The following FANCM variants were observed in gnomAD, a reference collection of about 807,000 sequenced individuals.
The protein encoded by FANCM is Fanconi anemia group M protein.
FANCM carries 140 observed loss-of-function variants against 199.5 expected under a neutral mutation model. That is an observed-to-expected ratio of 0.70 (90% CI 0.61 to 0.81). The LOEUF (loss-of-function observed/expected upper bound fraction) is 0.81, where lower values mean the gene tolerates loss of function less well. Ranked by LOEUF, FANCM falls within the 30% of genes least tolerant of loss-of-function variation. The probability of loss-of-function intolerance (pLI) is 0.00; values close to 1 mark genes in which losing one functional copy is unlikely to be tolerated. For missense variants in FANCM, 2,410 were observed against 2,421.4 expected, an observed-to-expected ratio of 1.00 and a Z score of 0.10; for synonymous variants, 840 against 836.8, an observed-to-expected ratio of 1.00 and a Z score of -0.07.
At chr14:45,142,363 A>G (rs1304019998) in intron 3 of FANCM, among the ~76,000 whole-genome samples, 2 of 150,624 alleles carry the variant, frequency 1.3e-5, no homozygotes, top group East Asian at 2.0e-4. Context: ...CTGGAGTGCA[A>G]TGGCATGATC....
intron 20 of FANCM, chr14:45,195,552 G>A (rs1890008508): frequency 4.4e-6 from 2 of 456,560 alleles, no homozygotes; most frequent in Non-Finnish European, 8.8e-6. Context: ...ATGGTCCACA[G>A]GATTTGGCAG....
At chr14:45,156,822 G>C (rs1887222472) in intron 8 of FANCM, among the ~76,000 whole-genome samples, 1 of 150,808 alleles carries the variant, frequency 6.6e-6, no homozygotes, top group Non-Finnish European at 1.5e-5. Flanking sequence ...GGAGGCTGAG[G>C]CAGGAGAATC....
intron 19 of FANCM, among the ~76,000 whole-genome samples, chr14:45,188,492 G>C (rs1451865962): frequency 6.6e-6 from 1 of 152,004 alleles, no homozygotes; most frequent in African/African-American, 2.4e-5. Context: ...TGTTCAGCTT[G>C]GTAATGTGTA....
rs200603043 is a variant in FANCM, at chr14:45,160,002, GTTTTTTTTTTT to G, written c.1581+729_1581+739del. Among the ~76,000 whole-genome samples, 3 of 122,014 alleles carry G rather than the reference GTTTTTTTTTTT, an allele frequency of 2.5e-5. No homozygotes were observed. The South Asian group carries it at 7.9e-4, about 32-fold the overall frequency. The allele number at this position is 122,014 out of a possible 152,430, so 80.0% of individuals were successfully genotyped here. A position where few individuals can be genotyped will look rare whatever the true frequency, so the allele number is the denominator to read the frequency against. ...CGTTAGTAGATGAGGTTTTTTTTTT[GTTTTTTTTTTT>G]TTTTTTAGATGGAATCTTACTCTGT... On this transcript the variant is annotated intron_variant, in intron 9 of 22. Transcript: ENST00000267430.
At chr14:45,199,237 T>A (rs1890233532) in intron 22 of FANCM, among the ~76,000 whole-genome samples, 1 of 152,218 alleles carries the variant, frequency 6.6e-6, no homozygotes, top group Non-Finnish European at 1.5e-5. Flanking sequence ...GGCTGTTCAG[T>A]TCTGTAACAA....
In FANCM at chr14:45,157,453, C is replaced by G. The variant is rs142354889; in HGVS notation, c.1397-1643C>G. ...AAAAAAGCTTGGGGAGGAAACTGGA[C>G]AAGTAAAATGTTAGAGAAGCTGAAG... is the stretch of plus-strand genomic sequence containing the variant. On this transcript the variant is annotated intron_variant, in intron 8 of 22. Coordinates refer to ENST00000267430, the MANE Select transcript of FANCM (RefSeq NM_020937.4). Among the ~76,000 whole-genome samples the G allele has an allele frequency of 8.0e-4, 121 of 152,012 alleles. No individual in the cohort carries two copies. The Middle Eastern group carries it at 0.01, about 13-fold the overall frequency.
rs1890203292 is a variant in FANCM, at chr14:45,198,678, C to T, written c.5751C>T (p.Ser1917=). Residue 1917 remains serine (S), a synonymous_variant, in exon 22 of 23, where the codon AGC becomes AGT. Transcript: ENST00000267430. ...DTSRMFRRTK[S]YDSLLTTLIG... Reference sequence around the variant, plus strand: ...CAAGGATGTTTAGGAGAACAAAGAGCTATGACAGCCTGCTGACTACCTTAA... The same window carrying T: ...CAAGGATGTTTAGGAGAACAAAGAGTTATGACAGCCTGCTGACTACCTTAA... 1.9e-6 allele frequency: 3 copies of T among 1,613,330 alleles called. No individual in the cohort carries two copies. Among genetic ancestry groups the T allele is most frequent in the Non-Finnish European group, 8.5e-7 (1 of 1,179,422 alleles).
intron 14 of FANCM, among the ~76,000 whole-genome samples, chr14:45,179,503 G>T (rs1386440217): frequency 4.0e-5 from 6 of 149,390 alleles, no homozygotes; most frequent in Admixed American, 6.7e-5. Context: ...GCAACATTTT[G>T]TCTGGAAGTC....
chr14:45,174,216 G>C (rs894986643), intron 13 of FANCM, among the ~76,000 whole-genome samples: 1 of 152,026 alleles, frequency 6.6e-6, no homozygotes, highest in Non-Finnish European at 1.5e-5. Context: ...AGGAAACCCT[G>C]TCTGTACTAA....
intron 12 of FANCM, 37 bp from the exon 13 acceptor site, chr14:45,173,018 T>C (rs1408129365): frequency 6.8e-7 from 1 of 1,460,444 alleles, no homozygotes; most frequent in Non-Finnish European, 9.6e-7. Context: ...AATCTCAGTA[T>C]GTTTTCATCA....
Position 45,175,442 on chromosome 14 carries a change from T to A in FANCM, c.2688T>A (p.Asn896Lys), listed in dbSNP as rs778748781. The A allele has an allele frequency of 6.3e-7, 1 of 1,594,232 alleles. No homozygotes were observed. Among genetic ancestry groups the A allele is most frequent in the Non-Finnish European group, 8.5e-7 (1 of 1,172,016 alleles). Residue 896 changes from asparagine to lysine, a missense_variant, in exon 14 of 23, where the codon AAT (asparagine) becomes AAA (lysine). By Grantham distance (94) the Asn-to-Lys change is moderately conservative (BLOSUM62 0). Coordinates refer to ENST00000267430, the MANE Select transcript of FANCM (RefSeq NM_020937.4). ...ATATTTTTCAAGAAGACCTACCAAA[T>A]GATAAAAGGACATCAGATACAGATG... ...VENIFQEDLPNDKRTSDTDEI... is the reference protein window; with the variant it reads ...VENIFQEDLPKDKRTSDTDEI...
intron 9 of FANCM, among the ~76,000 whole-genome samples, chr14:45,161,267 A>G (rs540568976): frequency 2.0e-5 from 3 of 152,348 alleles, no homozygotes; most frequent in African/African-American, 7.2e-5. Flanking sequence ...AATTGCTTTC[A>G]TAACAGCTGT....
rs779176062 is a variant in FANCM, at chr14:45,183,891, A to G, written c.4504A>G (p.Ser1502Gly). 1 of 1,609,910 alleles carries G rather than the reference A, an allele frequency of 6.2e-7. No individual in the cohort carries two copies. The highest frequency in any genetic ancestry group is 1.7e-5 in the Admixed American group (1 of 59,940). Residue 1502 changes from serine (S) to glycine (G), a missense_variant, in exon 17 of 23, where the codon AGT becomes GGT. By Grantham distance (56) the Ser-to-Gly change is moderately conservative. Coordinates refer to ENST00000267430, the MANE Select transcript of FANCM (RefSeq NM_020937.4). The stretch of plus-strand genomic sequence containing the variant: ...AGGCATCAAAGTCCCAAAGAGACAG[A>G]GTCACTTAAAGGTAATCTTTTTTTT... ...RRGIKVPKRQ[S>G]HLKHVARKFL...
At chr14:45,174,450 C>A (rs1888536278) in intron 13 of FANCM, among the ~76,000 whole-genome samples, 1 of 151,332 alleles carries the variant, frequency 6.6e-6, no homozygotes, top group Non-Finnish European at 1.5e-5. Flanking sequence ...TAGAGGAATC[C>A]TGATTAAAGT....
rs1888643453 is a variant in FANCM at position 45,175,791 on chromosome 14, A to G, written c.3037A>G (p.Lys1013Glu). 2 of 1,613,770 alleles carry G rather than the reference A, an allele frequency of 1.2e-6. No homozygotes were observed. The change falls in exon 14 of 23, where the codon AAG becomes GAG. Residue 1013 changes from lysine (K) to glutamate (E), a missense_variant. Coordinates refer to ENST00000267430, the MANE Select transcript of FANCM (RefSeq NM_020937.4). ...CTCAGACTTGGAATATGAAATTGCTAAGGGTACTGCACTTGAGAATTTGCT... is the reference window on the plus strand; with the variant it reads ...CTCAGACTTGGAATATGAAATTGCTGAGGGTACTGCACTTGAGAATTTGCT... The part of the protein sequence containing the change: ...GLSDLEYEIA[K>E]GTALENLLFL...
At chr14:45,185,499 T>G in intron 18 of FANCM, 126 bp downstream of exon 18, 1 of 578,614 alleles carries the variant, frequency 1.7e-6, no homozygotes, top group Non-Finnish European at 3.0e-6. Flanking sequence ...GCAAAATATT[T>G]ATTTGGTCAT....
chr14:45,199,039 AGATT>A, intron 22 of FANCM, 104 bp downstream of exon 22: 1 of 834,752 alleles, frequency 1.2e-6, no homozygotes, highest in South Asian at 1.7e-5. Context: ...CATGCCTGTT[AGATT>A]ATTTTATTCA....
chr14:45,175,956 G>T lies in FANCM; in HGVS notation c.3202G>T (p.Asp1068Tyr). The T allele has an allele frequency of 6.2e-7, 1 of 1,613,484 alleles. No homozygotes were observed. Among genetic ancestry groups the T allele is most frequent in the Non-Finnish European group, 8.5e-7 (1 of 1,179,622 alleles). The change falls in exon 14 of 23, where the codon GAT becomes TAT. Residue 1068 changes from aspartate (D) to tyrosine (Y), a missense_variant. Physicochemically the swap from Asp to Tyr is radical, Grantham distance 160. Transcript: ENST00000267430. ...NYPSEKSCLY[D>Y]IPNDNISDEP... ...TCCATCTGAAAAAAGTTGCCTTTAT[G>T]ATATACCTAATGATAATATTTCTGA...
At position 45,175,751 on chromosome 14, in the gene FANCM, G is replaced by A. The variant is rs141430587; in HGVS notation, c.2997G>A (p.Pro999=). Residue 999 remains proline (P), a synonymous_variant, in exon 14 of 23, where the codon CCG becomes CCA. Coordinates refer to ENST00000267430, the MANE Select transcript of FANCM (RefSeq NM_020937.4). The part of the protein sequence containing the change: ...NVERFLSYSP[P]PLSGLSDLEY... ...AGAGATTTTTATCTTATTCTCCTCC[G>A]CCTCTCAGTGGACTCTCAGACTTGG... is the stretch of plus-strand genomic sequence containing the variant. 2.6e-5 allele frequency: 42 copies of A among 1,613,386 alleles called. No homozygotes were observed. The highest frequency in any genetic ancestry group is 2.4e-4 in the African/African-American group (18 of 74,882).
Sources: gnomAD v4.1 joint callset for allele counts (sites outside exome capture counted in the v4.1 genomes callset) on GRCh38, gnomAD v4.1.1 for gene constraint, MANE v1.5 for transcripts, NCBI Gene and HGNC (gene_info 2026-07-23, HGNC 2026-07-21) for gene names.